Variants in MIIP observed in about 807,000 individuals in gnomAD.
MIIP encodes the protein migration and invasion-inhibitory protein.
In MIIP, 44 loss-of-function variants were observed where a neutral mutation model predicts 44.8. The observed-to-expected ratio is 0.98, with a 90% CI of 0.77 to 1.26. The LOEUF (loss-of-function observed/expected upper bound fraction) is 1.26, where lower values mean the gene tolerates loss of function less well. MIIP is among the 50% of genes most tolerant of loss of function. The pLI is 0.00. For missense variants in MIIP, 496 were observed against 511.7 expected, an observed-to-expected ratio of 0.97 and a Z score of 0.30; for synonymous variants, 225 against 218.3, an observed-to-expected ratio of 1.03 and a Z score of -0.27.
intron 1 of MIIP, among the ~76,000 whole-genome samples, chr1:12,019,975 G>A (rs1054877455): frequency 1.3e-5 from 2 of 152,268 alleles, no homozygotes; most frequent in East Asian, 1.9e-4. Flanking sequence ...GCCCTGCGGG[G>A]TAATATACGT....
chr1:12,032,029 A>G lies in MIIP; in HGVS notation c.*221A>G, dbSNP rs368401924. ...CTGTGGAAGTTTGTAAATAAAGCTC[A>G]GTGCTCTGCAGCTCAAGTCCCACGT... is the stretch of plus-strand genomic sequence containing the variant. On this transcript the variant is annotated 3_prime_UTR_variant, in exon 10 of 10. Coordinates refer to ENST00000235332, the MANE Select transcript of MIIP (RefSeq NM_021933.4). 12 of 587,244 alleles carry G rather than the reference A, an allele frequency of 2.0e-5. No homozygotes were observed. Among genetic ancestry groups the G allele is most frequent in the East Asian group, 5.7e-5 (2 of 35,064 alleles). The allele number at this position is 587,244 out of a possible 1,614,324, so 36.4% of individuals were successfully genotyped here.
intron 1 of MIIP, among the ~76,000 whole-genome samples, chr1:12,021,407 A>C (rs6661387): frequency 1.2e-4 from 18 of 151,754 alleles, no homozygotes; most frequent in Non-Finnish European, 2.1e-4. Flanking sequence ...AAAAAAAAAC[A>C]AAAAAACAAA....
Position 12,032,029 on chromosome 1 carries a change from A to C in MIIP, c.*221A>C. ...CTGTGGAAGTTTGTAAATAAAGCTC[A>C]GTGCTCTGCAGCTCAAGTCCCACGT... On this transcript the variant is annotated 3_prime_UTR_variant, in exon 10 of 10. Coordinates refer to ENST00000235332, the MANE Select transcript of MIIP (RefSeq NM_021933.4). The C allele has an allele frequency of 1.7e-6, 1 of 587,362 alleles. No individual in the cohort carries two copies. The highest frequency in any genetic ancestry group is 2.9e-5 in the East Asian group (1 of 35,052). 36.4% of individuals were successfully genotyped at this position (587,362 alleles called of 1,614,324 possible).
At chr1:12,030,774 CAAAA>C (rs139223223) in intron 8 of MIIP, among the ~76,000 whole-genome samples, 1 of 135,664 alleles carries the variant, frequency 7.4e-6, no homozygotes. Context: ...GACTCCATCT[CAAAA>C]AAAAAAAAAA....
chr1:12,024,010 A>G (rs189223140), intron 4 of MIIP: 1 of 151,936 alleles, frequency 6.6e-6, no homozygotes, highest in East Asian at 1.9e-4. Flanking sequence ...ATAAGCAAGC[A>G]AAAAAAACCA....
At position 12,029,207 on chromosome 1, in the gene MIIP, C is replaced by G. The variant is rs750216315; in HGVS notation, c.657-16C>G. ...GGCTCCATCCCCCGGCCTGCTCATC[C>G]CCCTCGCCCTCTCAGACCCCAGTTG... On this transcript the variant is annotated splice_polypyrimidine_tract_variant and intron_variant, in intron 5 of 9. Transcript: ENST00000235332. 6.8e-6 allele frequency: 11 copies of G among 1,613,506 alleles called. No homozygotes were observed. Among genetic ancestry groups the G allele is most frequent in the Non-Finnish European group, 9.3e-6 (11 of 1,179,838 alleles).
At chr1:12,024,344 G>A (rs377515688) in intron 4 of MIIP, among the ~76,000 whole-genome samples, 3 of 152,104 alleles carry the variant, frequency 2.0e-5, no homozygotes, top group African/African-American at 7.2e-5. Context: ...GTTTCCCCCT[G>A]GCCTATGTCC....
At chr1:12,030,378 G>A (rs1050145318) in intron 8 of MIIP, among the ~76,000 whole-genome samples, 1 of 151,972 alleles carries the variant, frequency 6.6e-6, no homozygotes, top group Non-Finnish European at 1.5e-5. Flanking sequence ...TGTTTATTGC[G>A]CTTTTGTGTA....
intron 8 of MIIP, among the ~76,000 whole-genome samples, chr1:12,030,916 C>T (rs1569935202): frequency 6.6e-6 from 1 of 152,076 alleles, no homozygotes; most frequent in Admixed American, 6.5e-5. Context: ...TTTGCTGGTC[C>T]GTAAAATGGA....
At chr1:12,028,936 G>C in intron 4 of MIIP, 97 bp from the exon 5 acceptor site, 2 of 973,596 alleles carry the variant, frequency 2.1e-6, no homozygotes, top group Non-Finnish European at 3.2e-6. Flanking sequence ...GTGGCCTGGG[G>C]TGCCAGGGCT....
intron 8 of MIIP, 27 bp from the exon 9 acceptor site, chr1:12,031,239 G>T: frequency 1.2e-6 from 2 of 1,605,078 alleles, no homozygotes; most frequent in South Asian, 2.2e-5. Flanking sequence ...CCCAGGTCAG[G>T]CACTTTTAAC....
intron 4 of MIIP, chr1:12,028,791 A>T (rs757460348): frequency 1.1e-4 from 58 of 537,900 alleles, no homozygotes; most frequent in Non-Finnish European, 1.6e-4. Context: ...TAGCCCTGTC[A>T]TAAGGGCTCT....
intron 3 of MIIP, 52 bp from the exon 4 acceptor site, chr1:12,022,781 C>T: frequency 7.0e-7 from 1 of 1,427,104 alleles, no homozygotes; most frequent in Non-Finnish European, 9.7e-7. Flanking sequence ...GCGGCTTCCT[C>T]TGGGCCAGGC....
At chr1:12,023,008 G>A (rs1297019151) in intron 4 of MIIP, 91 bp downstream of exon 4, 17 of 993,824 alleles carry the variant, frequency 1.7e-5, no homozygotes, top group Non-Finnish European at 2.0e-5. Flanking sequence ...GCCTCCACCC[G>A]GTGCTGTTGC....
intron 8 of MIIP, among the ~76,000 whole-genome samples, chr1:12,030,936 G>A (rs1640228195): frequency 6.6e-6 from 1 of 152,140 alleles, no homozygotes; most frequent in Admixed American, 6.5e-5. Flanking sequence ...ACATAACAGC[G>A]CCATCCTCAG....
At chr1:12,020,474 GTATT>G (rs1371024673) in intron 1 of MIIP, among the ~76,000 whole-genome samples, 2 of 152,204 alleles carry the variant, frequency 1.3e-5, no homozygotes, top group Admixed American at 6.5e-5. Flanking sequence ...TGTAAGCACT[GTATT>G]AAGTAAGCAC....
chr1:12,020,533 A>G (rs1327869579), intron 1 of MIIP, among the ~76,000 whole-genome samples: 1 of 152,190 alleles, frequency 6.6e-6, no homozygotes, highest in Non-Finnish European at 1.5e-5. Flanking sequence ...TGTGTGTGAC[A>G]GTCTTGCTCT....
intron 4 of MIIP, 121 bp downstream of exon 4, chr1:12,023,038 A>C: frequency 1.5e-6 from 1 of 662,554 alleles, no homozygotes; most frequent in South Asian, 1.9e-5. Flanking sequence ...TGACCGTGCC[A>C]TCCTCCGTGG....
At chr1:12,022,019 T>A in intron 2 of MIIP, 76 bp from the exon 3 acceptor site, 2 of 1,498,112 alleles carry the variant, frequency 1.3e-6, no homozygotes, top group Non-Finnish European at 1.8e-6. Context: ...TGAGGATGCT[T>A]GCCTTGGTGC....
Sources: allele counts gnomAD v4.1 joint callset (sites outside exome capture counted in the v4.1 genomes callset), GRCh38; gene constraint gnomAD v4.1.1; transcripts MANE v1.5; gene names NCBI Gene and HGNC (gene_info 2026-07-23, HGNC 2026-07-21).